Variants in P2RY10 observed in about 807,000 individuals in gnomAD.
The protein encoded by P2RY10 is P2Y receptor family member 10, also known as putative P2Y purinoceptor 10.
P2RY10 carries 4 observed loss-of-function variants against 12.1 expected under a neutral mutation model. The ratio of observed to expected loss-of-function variants is 0.33; its 90% confidence interval spans 0.16 to 0.76. The LOEUF (loss-of-function observed/expected upper bound fraction) is 0.76, where lower values mean the gene tolerates loss of function less well. Ranked by LOEUF, P2RY10 falls within the 30% of genes least tolerant of loss-of-function variation. The probability of loss-of-function intolerance (pLI) is 0.61; values close to 1 mark genes in which losing one functional copy is unlikely to be tolerated. For missense variants in P2RY10, 233 were observed against 264.6 expected (o/e 0.88, Z 0.83); for synonymous variants, 112 against 94.1 (o/e 1.19, Z -1.10).
At chrX:78,949,033 A>ATT (rs1298816104) in intron 2 of P2RY10, among the ~76,000 whole-genome samples, 5 of 111,618 alleles carry the variant, frequency 4.5e-5, no homozygotes, top group Non-Finnish European at 9.4e-5. Context: ...TTTCTCTTTT[A>ATT]TCCACATATC....
In P2RY10 at chrX:78,961,453, G is replaced by T; in HGVS notation, c.933G>T (p.Glu311Asp). ...DPILYYFMASEFRDQLSRHGS... is the reference protein window; with the variant it reads ...DPILYYFMASDFRDQLSRHGS... ...TTCTTTATTACTTTATGGCTTCAGA[G>T]TTTCGTGACCAACTATCCCGCCATG... The change falls in exon 4 of 4, where the codon GAG (glutamate) becomes GAT (aspartate). Residue 311 changes from glutamate (E) to aspartate (D), a missense_variant. By Grantham distance (45) the Glu-to-Asp change is conservative. Transcript: ENST00000171757. 8.3e-7 allele frequency: 1 copy of T among 1,210,818 alleles called. No individual in the cohort carries two copies.
At chrX:78,950,296 C>A (rs1207276882) in intron 2 of P2RY10, among the ~76,000 whole-genome samples, 1 of 110,722 alleles carries the variant, frequency 9.0e-6, no homozygotes, top group Non-Finnish European at 1.9e-5. Context: ...CTCATGAAAT[C>A]ATACCAAATG....
intron 2 of P2RY10, among the ~76,000 whole-genome samples, chrX:78,951,838 C>T (rs1922116852): frequency 9.0e-6 from 1 of 111,266 alleles, no homozygotes; most frequent in African/African-American, 3.3e-5. Context: ...GTGTCATGGT[C>T]GTTTGCTGCA....
intron 3 of P2RY10, 49 bp from the exon 4 acceptor site, chrX:78,960,458 TA>T: frequency 1.0e-6 from 1 of 989,313 alleles, no homozygotes; most frequent in Non-Finnish European, 1.4e-6. Flanking sequence ...AGGTGTTAAC[TA>T]AAGAACTAAT....
At chrX:78,956,280 G>A (rs2083965624) in intron 3 of P2RY10, among the ~76,000 whole-genome samples, 1 of 111,228 alleles carries the variant, frequency 9.0e-6, no homozygotes, top group South Asian at 3.8e-4. Context: ...CTTTTCTGAG[G>A]TGAAAAGGAT....
At chrX:78,945,793 A>C (rs972193422) in intron 1 of P2RY10, among the ~76,000 whole-genome samples, 1 of 112,048 alleles carries the variant, frequency 8.9e-6, no homozygotes, top group Non-Finnish European at 1.9e-5. Context: ...GATGGCACAA[A>C]GTGGTAAGAA....
intron 3 of P2RY10, among the ~76,000 whole-genome samples, chrX:78,959,808 G>A (rs1202843525): frequency 8.9e-6 from 1 of 111,806 alleles, no homozygotes. Flanking sequence ...AAGATTATAT[G>A]AAGGAAAATA....
In P2RY10 at chrX:78,961,546, A is replaced by G; in HGVS notation, c.*6A>G. On this transcript the variant is annotated 3_prime_UTR_variant, in exon 4 of 4. Transcript: ENST00000171757. Reference sequence around the variant, plus strand: ...GTTCATCAATGATTGGCTAAAATTAAGATATCTCTTTAATTACGCCTTTGT... The same window carrying G: ...GTTCATCAATGATTGGCTAAAATTAGGATATCTCTTTAATTACGCCTTTGT... 8.6e-7 allele frequency: 1 copy of G among 1,161,488 alleles called. No individual in the cohort carries two copies. Among genetic ancestry groups the G allele is most frequent in the Non-Finnish European group, 1.2e-6 (1 of 858,723 alleles).
At chrX:78,948,799 C>T (rs1189165807) in intron 2 of P2RY10, among the ~76,000 whole-genome samples, 11 of 111,896 alleles carry the variant, frequency 9.8e-5, no homozygotes, top group Non-Finnish European at 1.3e-4. Context: ...TACATTATTG[C>T]GATCCTTTTT....
At position 78,963,453 on chromosome X, in the gene P2RY10, G is replaced by T. The variant is rs1922732647; in HGVS notation, c.*1913G>T. On this transcript the variant is annotated 3_prime_UTR_variant, in exon 4 of 4. Transcript: ENST00000171757. ...AGTCCTACTCTGAGGAGATGACTTT[G>T]GAAGAAACCCATTTGGAACTACACA... 8.9e-6 allele frequency among the ~76,000 whole-genome samples: 1 copy of T among 112,015 alleles called. No homozygotes were observed. Among genetic ancestry groups the T allele is most frequent in the Non-Finnish European group, 1.9e-5 (1 of 53,162 alleles).
At chrX:78,956,812 C>A (rs752740207) in intron 3 of P2RY10, among the ~76,000 whole-genome samples, 2 of 111,595 alleles carry the variant, frequency 1.8e-5, no homozygotes, top group East Asian at 5.6e-4. Flanking sequence ...GAAATAATCA[C>A]AGGACTCCTG....
In P2RY10 at chrX:78,961,414, C is replaced by T; in HGVS notation, c.894C>T (p.Cys298=). 1.7e-6 allele frequency: 2 copies of T among 1,210,822 alleles called. No homozygotes were observed. The highest frequency in any genetic ancestry group is 1.1e-6 in the Non-Finnish European group (1 of 894,710). Residue 298 remains cysteine, a synonymous_variant, in exon 4 of 4, where the codon TGC becomes TGT. Transcript: ENST00000171757. ...GCCTGTGCCTTGCAAGTCTCTGCTG[C>T]CTTTTGGATCCAATTCTTTATTACT... ...PFCLCLASLC[C]LLDPILYYFM...
rs779393297 is a variant in P2RY10, at chrX:78,958,018, ATCTT to A, written c.-13-2484_-13-2481del. On this transcript the variant is annotated intron_variant, in intron 3 of 3. Coordinates refer to ENST00000171757, the MANE Select transcript of P2RY10 (RefSeq NM_014499.4). ...TATTGAAATTGTAATGCACTGATGG[ATCTT>A]TCTTTGCTCTCTCACTGCCTGTGTG... Among the ~76,000 whole-genome samples, 422 of 112,544 alleles carry A rather than the reference ATCTT, an allele frequency of 3.7e-3. 1 individual carries two copies. The highest frequency in any genetic ancestry group is 0.012 in the African/African-American group (382 of 31,038).
intron 3 of P2RY10, among the ~76,000 whole-genome samples, chrX:78,954,009 G>A (rs1922223402): frequency 9.0e-6 from 1 of 111,024 alleles, no homozygotes; most frequent in Non-Finnish European, 1.9e-5. Flanking sequence ...GGACCACATA[G>A]GCGTGCCACC....
chrX:78,960,868 C>A lies in P2RY10; in HGVS notation c.348C>A (p.Asn116Lys). Residue 116 changes from asparagine (N) to lysine (K), a missense_variant, in exon 4 of 4, where the codon AAC becomes AAA. By Grantham distance (94) the Asn-to-Lys change is moderately conservative (BLOSUM62 0). Coordinates refer to ENST00000171757, the MANE Select transcript of P2RY10 (RefSeq NM_014499.4). ...CLLCFYLKYL[N>K]MYASICFLTC... is the part of the protein sequence containing the mutation. ...TCTGCTTCTACCTGAAGTATCTCAA[C>A]ATGTATGCCAGCATTTGTTTCCTGA... 1 of 1,211,237 alleles carries A rather than the reference C, an allele frequency of 8.3e-7. No homozygotes were observed. Among genetic ancestry groups the A allele is most frequent in the Non-Finnish European group, 1.1e-6 (1 of 895,171 alleles).
In P2RY10 at chrX:78,960,632, G is replaced by C; in HGVS notation, c.112G>C (p.Ala38Pro). ...TNVKFQYSLYATTYILIFIPG... is the reference protein window; with the variant it reads ...TNVKFQYSLYPTTYILIFIPG... The stretch of plus-strand genomic sequence containing the variant: ...TGTGAAATTTCAATACTCCCTCTAT[G>C]CAACCACCTATATCCTCATATTCAT... Residue 38 changes from alanine to proline, a missense_variant, in exon 4 of 4, where the codon GCA (alanine) becomes CCA (proline). Transcript: ENST00000171757. 8.3e-7 allele frequency: 1 copy of C among 1,210,496 alleles called. No homozygotes were observed. The highest frequency in any genetic ancestry group is 1.1e-6 in the Non-Finnish European group (1 of 894,589).
chrX:78,955,373 A>G lies in P2RY10; in HGVS notation c.-14+3038A>G, dbSNP rs1922289758. Among the ~76,000 whole-genome samples the G allele has an allele frequency of 2.7e-5, 3 of 112,468 alleles. No homozygotes were observed. The South Asian group carries it at 1.1e-3, about 41-fold the overall frequency. ...TACAATTTATTTAAAGTATATACAC[A>G]TGAGCCTTCAGAATGAAGACTCAAT... is the stretch of plus-strand genomic sequence containing the variant. On this transcript the variant is annotated intron_variant, in intron 3 of 3. Coordinates refer to ENST00000171757, the MANE Select transcript of P2RY10 (RefSeq NM_014499.4).
At chrX:78,946,015 G>A (rs1375988758) in intron 1 of P2RY10, among the ~76,000 whole-genome samples, 1 of 111,768 alleles carries the variant, frequency 8.9e-6, no homozygotes, top group Non-Finnish European at 1.9e-5. Flanking sequence ...AGGGCCCATA[G>A]AGATCCAAAT....
chrX:78,956,556 G>A (rs1446873840), intron 3 of P2RY10, among the ~76,000 whole-genome samples: 1 of 110,042 alleles, frequency 9.1e-6, no homozygotes, highest in Non-Finnish European at 1.9e-5. Flanking sequence ...TAAGAGCACA[G>A]TGAGGGTAAT....
Sources: gnomAD v4.1 joint callset for allele counts (sites outside exome capture counted in the v4.1 genomes callset) on GRCh38, gnomAD v4.1.1 for gene constraint, MANE v1.5 for transcripts, NCBI Gene and HGNC (gene_info 2026-07-23, HGNC 2026-07-21) for gene names.